Variants in AKT3 observed in about 807,000 individuals in gnomAD.
AKT3 encodes AKT serine/threonine kinase 3, also known as RAC-gamma serine/threonine-protein kinase.
In AKT3, 15 loss-of-function variants were observed where a neutral mutation model predicts 65.3. The observed-to-expected ratio is 0.23, with a 90% confidence interval of 0.15 to 0.35. The LOEUF (loss-of-function observed/expected upper bound fraction) is 0.35. Among genes scored for constraint, AKT3 ranks in the 10% least tolerant of loss-of-function variants. The probability of loss-of-function intolerance (pLI) is 1.00; values close to 1 mark genes in which losing one functional copy is unlikely to be tolerated. For synonymous variants in AKT3, 206 were observed against 183.8 expected (o/e 1.12, Z -0.98); for missense variants, 243 against 576.5 (o/e 0.42, Z 5.92).
intron 8 of AKT3, among the ~76,000 whole-genome samples, chr1:243,601,717 G>A (rs1437086910): frequency 6.6e-6 from 1 of 152,056 alleles, no homozygotes; most frequent in Non-Finnish European, 1.5e-5. Context: ...ACACAACGGA[G>A]CAAAGCCATA....
intron 2 of AKT3, among the ~76,000 whole-genome samples, chr1:243,734,348 G>A (rs1687724991): frequency 6.6e-6 from 1 of 152,162 alleles, no homozygotes; most frequent in Non-Finnish European, 1.5e-5. Context: ...TTACAGTCAT[G>A]CATTGCTTAA....
intron 13 of AKT3, chr1:243,489,083 C>G: frequency 6.2e-7 from 1 of 1,613,376 alleles, no homozygotes. Context: ...GCAAGCAGAA[C>G]CAGCTTCTCC....
chr1:243,710,555 T>C (rs1369714801), intron 2 of AKT3, among the ~76,000 whole-genome samples: 1 of 152,214 alleles, frequency 6.6e-6, no homozygotes, highest in Non-Finnish European at 1.5e-5. Flanking sequence ...CTAAATTAGG[T>C]GGCTCTCCCA....
downstream of AKT3, among the ~76,000 whole-genome samples, chr1:243,495,248 C>T (rs927840082): frequency 1.1e-4 from 16 of 152,322 alleles, no homozygotes; most frequent in African/African-American, 1.4e-4. Flanking sequence ...TGTGCGGGGC[C>T]GCCTCCCTCT....
intron 3 of AKT3, among the ~76,000 whole-genome samples, chr1:243,669,935 T>C (rs994217228): frequency 7.9e-5 from 12 of 152,180 alleles, no homozygotes; most frequent in African/African-American, 2.7e-4. Context: ...TAAGTATTCA[T>C]GAACCAAATG....
At chr1:243,612,893 G>T (rs961585314) in intron 8 of AKT3, 3 of 151,528 alleles carry the variant, frequency 2.0e-5, no homozygotes, top group African/African-American at 7.3e-5. Context: ...ACAAAAATTA[G>T]CTGGGTGTGG....
chr1:243,498,818 T>C (rs181161764), downstream of AKT3, among the ~76,000 whole-genome samples: 217 of 152,328 alleles, frequency 1.4e-3, 3 homozygotes, highest in Middle Eastern at 0.01. Context: ...ACTTCTCTTT[T>C]TGGAAGATGG....
At position 243,503,973 on chromosome 1, in the gene AKT3, A is replaced by T. The variant is rs1230478175; in HGVS notation, c.*1276T>A. 1 of 225,622 alleles carries T rather than the reference A, an allele frequency of 4.4e-6. No individual in the cohort carries two copies. Among genetic ancestry groups the T allele is most frequent in the Non-Finnish European group, 8.9e-6 (1 of 112,990 alleles). 14.0% of individuals were successfully genotyped at this position (225,622 alleles called of 1,614,324 possible). A position where few individuals can be genotyped will look rare whatever the true frequency, so the allele number is the denominator to read the frequency against. On this transcript the variant is annotated 3_prime_UTR_variant, in exon 14 of 14. Coordinates refer to ENST00000673466, the MANE Select transcript of AKT3 (RefSeq NM_005465.7). ...CTATTTGTTTCATTAACCCCTTGGC[A>T]TGCATAGTTGGGGATTTTCTCATTT...
At chr1:243,528,857 C>G (rs1671333497) in intron 12 of AKT3, among the ~76,000 whole-genome samples, 1 of 152,098 alleles carries the variant, frequency 6.6e-6, no homozygotes. Flanking sequence ...GGTAATTCTG[C>G]TTTGAGTTGA....
chr1:243,545,297 G>A (rs1672587790), intron 12 of AKT3, among the ~76,000 whole-genome samples: 1 of 152,132 alleles, frequency 6.6e-6, no homozygotes, highest in Non-Finnish European at 1.5e-5. Flanking sequence ...GAAAAATTCT[G>A]TGATCATGTT....
intron 2 of AKT3, among the ~76,000 whole-genome samples, chr1:243,816,373 C>G (rs1693520993): frequency 6.6e-6 from 1 of 152,090 alleles, no homozygotes; most frequent in Non-Finnish European, 1.5e-5. Context: ...GAGGGTATCT[C>G]AGGCAAAAGG....
chr1:243,496,796 C>T (rs1668026342), downstream of AKT3, among the ~76,000 whole-genome samples: 1 of 152,260 alleles, frequency 6.6e-6, no homozygotes, highest in Non-Finnish European at 1.5e-5. Context: ...ACTTAACAAA[C>T]TTTAGAAATA....
At chr1:243,561,568 A>G (rs1673779006) in intron 10 of AKT3, among the ~76,000 whole-genome samples, 1 of 152,174 alleles carries the variant, frequency 6.6e-6, no homozygotes, top group South Asian at 2.1e-4. Flanking sequence ...TCTATCATCA[A>G]AGATTATTCC....
intron 2 of AKT3, among the ~76,000 whole-genome samples, chr1:243,700,397 TAAAAC>T (rs1169372669): frequency 2.6e-5 from 4 of 152,162 alleles, no homozygotes; most frequent in Non-Finnish European, 4.4e-5. Context: ...TCCCTGTAGT[TAAAAC>T]AAACGATCTC....
chr1:243,699,077 T>C (rs369054366), intron 2 of AKT3, among the ~76,000 whole-genome samples: 42 of 152,262 alleles, frequency 2.8e-4, no homozygotes, highest in East Asian at 1.4e-3. Context: ...TTCTAAAATA[T>C]GGACAGAAAG....
At chr1:243,617,187 T>C (rs1678394959) in intron 6 of AKT3, among the ~76,000 whole-genome samples, 1 of 109,438 alleles carries the variant, frequency 9.1e-6, no homozygotes, top group African/African-American at 3.6e-5. Context: ...ATGCAACAAG[T>C]ATCTTCTGGG....
intron 4 of AKT3, among the ~76,000 whole-genome samples, 189 bp downstream of exon 4, chr1:243,664,583 G>T (rs1015919255): frequency 6.6e-6 from 1 of 151,874 alleles, no homozygotes; most frequent in African/African-American, 2.4e-5. Context: ...ATGCCCAGAG[G>T]TTCTGATATA....
intron 2 of AKT3, among the ~76,000 whole-genome samples, chr1:243,717,792 T>C (rs1686602492): frequency 6.6e-6 from 1 of 152,202 alleles, no homozygotes; most frequent in African/African-American, 2.4e-5. Flanking sequence ...TTTTACAGAT[T>C]AGGAAACCAA....
intron 2 of AKT3, among the ~76,000 whole-genome samples, chr1:243,724,709 C>T (rs935885005): frequency 1.3e-5 from 2 of 152,068 alleles, no homozygotes; most frequent in Admixed American, 6.6e-5. Flanking sequence ...TGGACTATTG[C>T]CCTCCCTTTA....
Sources: gnomAD v4.1 joint callset for allele counts (sites outside exome capture counted in the v4.1 genomes callset) on GRCh38, gnomAD v4.1.1 for gene constraint, MANE v1.5 for transcripts, NCBI Gene and HGNC (gene_info 2026-07-23, HGNC 2026-07-21) for gene names.